The following FUT8 variants were observed in gnomAD, a reference collection of about 807,000 sequenced individuals.
FUT8 encodes the protein alpha-(1,6)-fucosyltransferase.
A neutral mutation model predicts 71.3 loss-of-function variants in FUT8; 29 were observed. That is an observed-to-expected ratio of 0.41 (90% CI 0.30 to 0.55). The LOEUF (loss-of-function observed/expected upper bound fraction) is 0.55. Ranked by LOEUF, FUT8 falls within the 20% of genes least tolerant of loss-of-function variation. FUT8 has a pLI of 0.34. For synonymous variants in FUT8, 254 were observed against 239.3 expected (o/e 1.06, Z -0.57); for missense variants, 544 against 702.1 (o/e 0.77, Z 2.55).
rs58115860 is a variant in FUT8 at position 65,590,908 on chromosome 14, A to T, written c.204-25070A>T. ...TATTTCTGTACTTTGGGAATTTTAGACATTTGTCATTTCATTGTTGGGGAA... is the reference window on the plus strand; with the variant it reads ...TATTTCTGTACTTTGGGAATTTTAGTCATTTGTCATTTCATTGTTGGGGAA... On this transcript the variant is annotated intron_variant, in intron 3 of 10. Coordinates refer to ENST00000673929, the MANE Select transcript of FUT8 (RefSeq NM_001371533.1). Among the ~76,000 whole-genome samples the T allele has an allele frequency of 2.0e-5, 3 of 152,216 alleles. No homozygotes were observed. In the South Asian group the frequency reaches 6.2e-4, roughly 32 times the overall value.
In FUT8 at chr14:65,475,962, T is replaced by G. The variant is rs2066232998; in HGVS notation, c.-228+20244T>G. ...GGTCTTTCTCACCCTGCTGTGGTAG[T>G]AAGAGCTTGGTGCTTAATGGGTGCC... On this transcript the variant is annotated intron_variant, in intron 2 of 10. Transcript: ENST00000673929. Among the ~76,000 whole-genome samples, 5 of 152,070 alleles carry G rather than the reference T, an allele frequency of 3.3e-5. No homozygotes were observed. In the South Asian group the frequency reaches 1.0e-3, roughly 32 times the overall value.
the FUT8 span, among the ~76,000 whole-genome samples, chr14:65,403,566 C>T: frequency 1.3e-5 from 2 of 152,166 alleles, no homozygotes; most frequent in Non-Finnish European, 2.9e-5. Context: ...GTTTTTCAGA[C>T]TTTTGTCAGT....
chr14:65,553,958 A>G (rs1042875482), intron 2 of FUT8, among the ~76,000 whole-genome samples: 1 of 151,784 alleles, frequency 6.6e-6, no homozygotes, highest in African/African-American at 2.4e-5. Flanking sequence ...TACTTTGGAA[A>G]ATTCCCAGCT....
At chr14:65,527,562 T>A (rs1247550534) in intron 2 of FUT8, among the ~76,000 whole-genome samples, 1 of 152,330 alleles carries the variant, frequency 6.6e-6, no homozygotes, top group Non-Finnish European at 1.5e-5. Context: ...TTATCTCAAC[T>A]CATCAAAGTC....
chr14:65,490,308 G>A (rs1359132710), intron 2 of FUT8, among the ~76,000 whole-genome samples: 11 of 152,010 alleles, frequency 7.2e-5, no homozygotes, highest in African/African-American at 2.4e-4. Context: ...GACTTTTAAG[G>A]TTCCCATAAC....
chr14:65,498,778 C>T (rs886610027), intron 2 of FUT8, among the ~76,000 whole-genome samples: 14 of 152,054 alleles, frequency 9.2e-5, no homozygotes, highest in African/African-American at 3.4e-4. Context: ...ACATTTGGGT[C>T]TTACTGAAAT....
chr14:65,508,979 T>C (rs1882156361), intron 2 of FUT8, among the ~76,000 whole-genome samples: 1 of 152,176 alleles, frequency 6.6e-6, no homozygotes, highest in African/African-American at 2.4e-5. Flanking sequence ...TGTGGGGTAT[T>C]ACTTAAGAAA....
intron 6 of FUT8, among the ~76,000 whole-genome samples, chr14:65,636,315 A>ATT (rs56786117): frequency 0.03 from 3,986 of 132,204 alleles, 173 homozygotes; most frequent in African/African-American, 0.093. Flanking sequence ...TATCTTTTGT[A>ATT]TTTTTTTTTT....
At chr14:65,405,944 G>A (rs1421836278), upstream of FUT8, among the ~76,000 whole-genome samples, 1 of 152,210 alleles carries the variant, frequency 6.6e-6, no homozygotes, top group Non-Finnish European at 1.5e-5. Flanking sequence ...CCAATTAGGT[G>A]TGGGCAATGG....
chr14:65,534,963 G>C (rs773247060), intron 2 of FUT8, among the ~76,000 whole-genome samples: 1 of 151,152 alleles, frequency 6.6e-6, no homozygotes, highest in Non-Finnish European at 1.5e-5. Context: ...TGCTAGCTTT[G>C]GGATTGATTT....
Position 65,627,304 on chromosome 14 carries a change from G to T in FUT8, c.483-2188G>T, listed in dbSNP as rs748603316. ...AATCCATACGGGCCTGCAGCAGCTC[G>T]ATTCTTGCTTCCTTGGAGGAAATAA... On this transcript the variant is annotated intron_variant, in intron 5 of 10. Transcript: ENST00000673929. This position sits in a 1 kb window ranked among gnomAD's most constrained non-coding sequence, Gnocchi z 4.0. Among the ~76,000 whole-genome samples the T allele has an allele frequency of 6.6e-6, 1 of 152,174 alleles. No individual in the cohort carries two copies. Among genetic ancestry groups the T allele is most frequent in the African/African-American group, 2.4e-5 (1 of 41,442 alleles).
chr14:65,461,775 CAG>C (rs2065972167), intron 2 of FUT8, among the ~76,000 whole-genome samples: 1 of 152,288 alleles, frequency 6.6e-6, no homozygotes, highest in South Asian at 2.1e-4. Context: ...AGGCTTTAAT[CAG>C]GGGCGGCAGC....
rs1169196511 is a variant in FUT8 at position 65,615,936 on chromosome 14, G to A, written c.204-42G>A. The A allele has an allele frequency of 7.1e-6, 10 of 1,400,710 alleles. No homozygotes were observed. The Middle Eastern group carries it at 1.4e-3, about 202-fold the overall frequency. The allele number at this position is 1,400,710 out of a possible 1,614,324, so 86.8% of individuals were successfully genotyped here. A position where few individuals can be genotyped will look rare whatever the true frequency, so the allele number is the denominator to read the frequency against. On this transcript the variant is annotated intron_variant, in intron 3 of 10. Coordinates refer to ENST00000673929, the MANE Select transcript of FUT8 (RefSeq NM_001371533.1). ...AAGTGAGCTTGTATTTTGTTGCACA[G>A]TTTGAAAGCTAAATGTTTACATTAT...
intron 3 of FUT8, among the ~76,000 whole-genome samples, chr14:65,582,049 T>G (rs1887121470): frequency 6.6e-6 from 1 of 152,156 alleles, no homozygotes; most frequent in South Asian, 2.1e-4. Flanking sequence ...TGAATTTGCC[T>G]TTGCGGTATA....
chr14:65,600,588 T>C (rs1469338289), intron 3 of FUT8, among the ~76,000 whole-genome samples: 1 of 152,186 alleles, frequency 6.6e-6, no homozygotes. Flanking sequence ...ATTTTGCAGC[T>C]GTTAAAATAT....
At chr14:65,569,651 T>A (rs1181656576) in intron 3 of FUT8, among the ~76,000 whole-genome samples, 1 of 151,998 alleles carries the variant, frequency 6.6e-6, no homozygotes, top group Non-Finnish European at 1.5e-5. Flanking sequence ...AATATAACTA[T>A]TATATTTTCT....
chr14:65,503,640 C>T (rs536683365), intron 2 of FUT8, among the ~76,000 whole-genome samples: 1 of 152,266 alleles, frequency 6.6e-6, no homozygotes, highest in East Asian at 1.9e-4. Flanking sequence ...CTCTCTCTGC[C>T]CTTCCCTCCC....
the FUT8 span, among the ~76,000 whole-genome samples, chr14:65,377,407 A>G: frequency 2.0e-5 from 3 of 152,224 alleles, no homozygotes; most frequent in Non-Finnish European, 4.4e-5. Context: ...AAAAATAAAA[A>G]AAATTTAAAA....
In FUT8 at chr14:65,656,347, G is replaced by A. The variant is rs192005236; in HGVS notation, c.598-12896G>A. Among the ~76,000 whole-genome samples, 437 of 152,072 alleles carry A rather than the reference G, an allele frequency of 2.9e-3. 2 individuals carry two copies. The highest frequency in any genetic ancestry group is 9.9e-3 in the African/African-American group (410 of 41,504). On this transcript the variant is annotated intron_variant, in intron 6 of 10. Transcript: ENST00000673929. ...TATTGTTTCTATATGCCAACAGTGA[G>A]CAATCTGAAAAAGAAATTTAAAAAA...
Sources: allele counts gnomAD v4.1 joint callset (sites outside exome capture counted in the v4.1 genomes callset), GRCh38; gene constraint gnomAD v4.1.1; non-coding constraint Gnocchi (gnomAD v3.1); transcripts MANE v1.5; gene names NCBI Gene and HGNC (gene_info 2026-07-23, HGNC 2026-07-21).